The following PDE3B variants were observed in gnomAD, a reference collection of about 807,000 sequenced individuals.
PDE3B encodes cGMP-inhibited 3',5'-cyclic phosphodiesterase 3B.
A neutral mutation model predicts 116.8 loss-of-function variants in PDE3B; 66 were observed. The observed-to-expected ratio is 0.56, with a 90% CI of 0.46 to 0.69. The LOEUF is 0.69. Ranked by LOEUF, PDE3B falls within the 30% of genes least tolerant of loss-of-function variation. The pLI is 0.00. For missense variants in PDE3B, 1,384 were observed against 1,368.1 expected, an observed-to-expected ratio of 1.01 and a Z score of -0.18; for synonymous variants, 595 against 533.6, an observed-to-expected ratio of 1.12 and a Z score of -1.59.
chr11:14,736,817 A>G (rs1856612838), intron 1 of PDE3B, among the ~76,000 whole-genome samples: 1 of 152,168 alleles, frequency 6.6e-6, no homozygotes, highest in Non-Finnish European at 1.5e-5. Flanking sequence ...ACCTTAGAAA[A>G]GATTAAAGGG....
intron 5 of PDE3B, among the ~76,000 whole-genome samples, chr11:14,811,445 T>C (rs1859126597): frequency 6.6e-6 from 1 of 152,226 alleles, no homozygotes; most frequent in African/African-American, 2.4e-5. Flanking sequence ...ATTGCTTGTT[T>C]TTCTCAGGTT....
chr11:14,846,623 C>G (rs1332130916), intron 12 of PDE3B, among the ~76,000 whole-genome samples: 13 of 151,670 alleles, frequency 8.6e-5, no homozygotes, highest in South Asian at 4.2e-4. Context: ...CACATAGGCT[C>G]AAAATAAAAG....
At chr11:14,774,023 T>C (rs1247741076) in intron 2 of PDE3B, 1 of 152,266 alleles carries the variant, frequency 6.6e-6, no homozygotes, top group Non-Finnish European at 1.5e-5. Context: ...GCCTCTTTTG[T>C]GCTTCTCATC....
At chr11:14,891,413 A>G in the PDE3B span, 5 of 985,764 alleles carry the variant, frequency 5.1e-6, no homozygotes, top group Non-Finnish European at 6.0e-6. Flanking sequence ...CAATTCATTC[A>G]CGCGTTCACA....
chr11:14,858,988 A>T (rs1309243337), intron 12 of PDE3B, 55 bp from the exon 13 acceptor site: 1 of 1,245,064 alleles, frequency 8.0e-7, no homozygotes, highest in African/African-American at 1.5e-5. Context: ...TATTAAAGAT[A>T]TTAAACTTTA....
intron 1 of PDE3B, among the ~76,000 whole-genome samples, chr11:14,711,068 A>G (rs1398996677): frequency 6.6e-6 from 1 of 152,206 alleles, no homozygotes; most frequent in Non-Finnish European, 1.5e-5. Flanking sequence ...TCTGAGTTTA[A>G]GATTTTTTCC....
chr11:14,848,516 G>T (rs1051410297), intron 12 of PDE3B, among the ~76,000 whole-genome samples: 1 of 152,024 alleles, frequency 6.6e-6, no homozygotes, highest in Non-Finnish European at 1.5e-5. Context: ...AGGAAATAAA[G>T]GGCATTCAAT....
chr11:14,749,015 A>G (rs1052969886), intron 1 of PDE3B, among the ~76,000 whole-genome samples: 2 of 151,698 alleles, frequency 1.3e-5, no homozygotes, highest in African/African-American at 2.4e-5. Context: ...CAGCCTCCCA[A>G]GTAGCTGGGA....
At chr11:14,785,467 T>G (rs55925048) in intron 2 of PDE3B, among the ~76,000 whole-genome samples, 1 of 152,250 alleles carries the variant, frequency 6.6e-6, no homozygotes, top group African/African-American at 2.4e-5. Flanking sequence ...GTATTGGGGA[T>G]ACTTTAATAA....
chr11:14,756,743 A>G (rs1857190795), intron 1 of PDE3B, among the ~76,000 whole-genome samples: 1 of 152,126 alleles, frequency 6.6e-6, no homozygotes, highest in Admixed American at 6.6e-5. Flanking sequence ...GTGCATGAGC[A>G]ATCTGGACTA....
intron 1 of PDE3B, among the ~76,000 whole-genome samples, chr11:14,652,652 T>C (rs1401574944): frequency 6.6e-6 from 1 of 152,210 alleles, no homozygotes; most frequent in Non-Finnish European, 1.5e-5. Context: ...TTTTCCATCT[T>C]GCAGAACTGA....
chr11:14,867,499 T>TA lies in PDE3B; in HGVS notation c.2887-6dup, dbSNP rs1555008248. ...TAAAAATGTACTTTTCTTTTTAAAA[T>TA]ATGCAGGGAGATGAAGAAGCAAATC... On this transcript the variant is annotated splice_polypyrimidine_tract_variant and splice_region_variant and intron_variant, in intron 14 of 15. Coordinates refer to ENST00000282096, the MANE Select transcript of PDE3B (RefSeq NM_000922.4). The TA allele has an allele frequency of 6.2e-7, 1 of 1,608,676 alleles. No individual in the cohort carries two copies. The highest frequency in any genetic ancestry group is 1.1e-5 in the South Asian group (1 of 90,082).
chr11:14,662,470 C>A (rs1289744042), intron 1 of PDE3B, among the ~76,000 whole-genome samples: 1 of 152,028 alleles, frequency 6.6e-6, no homozygotes, highest in Admixed American at 6.5e-5. Context: ...ATGACTTTGA[C>A]GAGTTGAGAG....
At chr11:14,890,971 A>T in the PDE3B span, 1 of 985,272 alleles carries the variant, frequency 1.0e-6, no homozygotes, top group Admixed American at 6.1e-5. Flanking sequence ...GTGGCCGATA[A>T]TGAGATTAGT....
chr11:14,813,474 C>T (rs1201627613), intron 5 of PDE3B, among the ~76,000 whole-genome samples: 1 of 152,122 alleles, frequency 6.6e-6, no homozygotes, highest in African/African-American at 2.4e-5. Flanking sequence ...TTATGTCTGC[C>T]TCTCTCTTTT....
At chr11:14,891,771 G>A in the PDE3B span, 1 of 1,386,994 alleles carries the variant, frequency 7.2e-7, no homozygotes. Flanking sequence ...TGGGTCACCG[G>A]CAGGGGCGGG....
chr11:14,806,709 A>G (rs1026644855), intron 5 of PDE3B, among the ~76,000 whole-genome samples: 3 of 150,728 alleles, frequency 2.0e-5, no homozygotes, highest in Non-Finnish European at 4.4e-5. Context: ...AATACAAAAA[A>G]TTAGCCGGGC....
At position 14,772,167 on chromosome 11, in the gene PDE3B, A is replaced by G. The variant is rs149969552; in HGVS notation, c.1029+180A>G. The G allele has an allele frequency of 1.1e-3, 356 of 334,602 alleles. 1 individual carries two copies. The highest frequency in any genetic ancestry group is 4.8e-3 in the African/African-American group (225 of 46,608). The allele number at this position is 334,602 out of a possible 1,614,324, so 20.7% of individuals were successfully genotyped here. ...TCATTGAGGTAGATTTTTTAAAAAT[A>G]TATTTTAATTATAAGGGAAAAAGAA... On this transcript the variant is annotated intron_variant, in intron 2 of 15. Coordinates refer to ENST00000282096, the MANE Select transcript of PDE3B (RefSeq NM_000922.4).
intron 4 of PDE3B, among the ~76,000 whole-genome samples, chr11:14,802,954 A>G (rs186644301): frequency 6.6e-6 from 1 of 152,348 alleles, no homozygotes; most frequent in East Asian, 1.9e-4. Context: ...TCCAATTTAA[A>G]AGAATATATT....
Sources: gnomAD v4.1 joint callset for allele counts (sites outside exome capture counted in the v4.1 genomes callset) on GRCh38, gnomAD v4.1.1 for gene constraint, MANE v1.5 for transcripts, NCBI Gene and HGNC (gene_info 2026-07-23, HGNC 2026-07-21) for gene names.